The following OCA2 variants were observed in gnomAD, a reference collection of about 807,000 sequenced individuals.
OCA2 encodes P protein.
A neutral mutation model predicts 100.2 loss-of-function variants in OCA2; 77 were observed. That is an observed-to-expected ratio of 0.77 (90% CI 0.64 to 0.93). OCA2 has a LOEUF of 0.93. Ranked by LOEUF, OCA2 falls within the 40% of genes least tolerant of loss-of-function variation. OCA2 has a pLI of 0.00. For synonymous variants in OCA2, 432 were observed against 439.2 expected (o/e 0.98, Z 0.21); for missense variants, 1,062 against 1,089.1 (o/e 0.98, Z 0.35).
chr15:27,803,198 CGAG>C (rs1482060528), intron 23 of OCA2, among the ~76,000 whole-genome samples: 1 of 148,314 alleles, frequency 6.7e-6, no homozygotes, highest in Non-Finnish European at 1.5e-5. Flanking sequence ...TAAACCACGA[CGAG>C]ACAAAATAAT....
chr15:28,069,781 GC>G (rs1366728411), intron 2 of OCA2, among the ~76,000 whole-genome samples: 1 of 138,648 alleles, frequency 7.2e-6, no homozygotes, highest in Non-Finnish European at 1.5e-5. Flanking sequence ...GCCTGCCTTG[GC>G]CTCCCAAAGT....
rs574271500 is a variant in OCA2 at position 27,897,682 on chromosome 15, G to C, written c.2080-25760C>G. 2.7e-3 allele frequency among the ~76,000 whole-genome samples: 409 copies of C among 152,324 alleles called. 2 individuals carry two copies. Among genetic ancestry groups the C allele is most frequent in the African/African-American group, 9.5e-3 (395 of 41,576 alleles). ...GCAGCAGAAAAATGTGGGGTCAGAG[G>C]TGCCACACTGAGGAGTCCCTACTGG... On this transcript the variant is annotated intron_variant, in intron 19 of 23. Transcript: ENST00000354638.
intron 19 of OCA2, among the ~76,000 whole-genome samples, chr15:27,925,354 A>G (rs2140365328): frequency 6.6e-6 from 1 of 152,342 alleles, no homozygotes; most frequent in South Asian, 2.1e-4. Context: ...AATAAAATTA[A>G]AAGGACTGCA....
intron 23 of OCA2, among the ~76,000 whole-genome samples, chr15:27,833,059 G>A (rs1173573770): frequency 6.6e-6 from 1 of 151,870 alleles, no homozygotes; most frequent in Non-Finnish European, 1.5e-5. Context: ...CACATGATCT[G>A]CCCGCCTCAG....
intron 2 of OCA2, among the ~76,000 whole-genome samples, chr15:28,036,079 T>C (rs1049130209): frequency 2.0e-5 from 3 of 152,236 alleles, no homozygotes; most frequent in Non-Finnish European, 4.4e-5. Flanking sequence ...CTCATTAGCA[T>C]TTCACAGGTT....
chr15:27,921,214 A>T lies in OCA2; in HGVS notation c.2079+4913T>A, dbSNP rs114314874. Among the ~76,000 whole-genome samples, 888 of 152,330 alleles carry T rather than the reference A, an allele frequency of 5.8e-3. 16 individuals are homozygous for T. The highest frequency in any genetic ancestry group is 0.02 in the African/African-American group (852 of 41,576). On this transcript the variant is annotated intron_variant, in intron 19 of 23. Transcript: ENST00000354638. ...TAAAGCCTCAAAAGCAGTAACAGAA[A>T]AATGACTCAATGCGCATATAGGGGA...
chr15:27,856,825 T>G (rs1380628000), intron 21 of OCA2, among the ~76,000 whole-genome samples: 1 of 152,060 alleles, frequency 6.6e-6, no homozygotes, highest in Non-Finnish European at 1.5e-5. Flanking sequence ...GACCATACAC[T>G]TTTCAAAAAA....
intron 21 of OCA2, among the ~76,000 whole-genome samples, chr15:27,862,159 C>T (rs945467164): frequency 1.3e-4 from 19 of 149,822 alleles, no homozygotes; most frequent in African/African-American, 3.7e-4. Flanking sequence ...ACAGAAAGCG[C>T]GGTCGTCAGC....
intron 2 of OCA2, among the ~76,000 whole-genome samples, chr15:28,079,952 G>A (rs1314400168): frequency 6.6e-6 from 1 of 152,222 alleles, no homozygotes; most frequent in South Asian, 2.1e-4. Flanking sequence ...ACAGGCCCCA[G>A]TCTGCCCCTG....
At chr15:27,838,645 A>G (rs2151349284) in intron 23 of OCA2, among the ~76,000 whole-genome samples, 1 of 152,348 alleles carries the variant, frequency 6.6e-6, no homozygotes, top group Middle Eastern at 3.4e-3. Context: ...CCAAGCCTGT[A>G]GCAAAATGAT....
intron 9 of OCA2, among the ~76,000 whole-genome samples, chr15:28,008,082 C>T (rs1294944714): frequency 6.6e-6 from 1 of 152,188 alleles, no homozygotes; most frequent in Non-Finnish European, 1.5e-5. Context: ...CAGGCAGTGT[C>T]CAAGGCACTG....
At position 27,968,349 on chromosome 15, in the gene OCA2, T is replaced by A. The variant is rs568402747; in HGVS notation, c.1504-1527A>T. On this transcript the variant is annotated intron_variant, in intron 14 of 23. Coordinates refer to ENST00000354638, the MANE Select transcript of OCA2 (RefSeq NM_000275.3). ...AGTGACAATGCACGACCATGGGGAA[T>A]GACAGGGGCAGGGTGGGAGGGACCA... 1.6e-4 allele frequency among the ~76,000 whole-genome samples: 23 copies of A among 148,096 alleles called. 1 individual carries two copies. In the South Asian group the frequency reaches 4.9e-3, roughly 31 times the overall value.
downstream of OCA2, among the ~76,000 whole-genome samples, chr15:27,751,596 G>A (rs1241301956): frequency 1.3e-5 from 2 of 152,202 alleles, no homozygotes; most frequent in African/African-American, 4.8e-5. Context: ...CAAGGTTTGA[G>A]GGGGACCAGA....
At chr15:27,752,709 G>A (rs1360908667), downstream of OCA2, among the ~76,000 whole-genome samples, 1 of 141,576 alleles carries the variant, frequency 7.1e-6, no homozygotes, top group Non-Finnish European at 1.5e-5. Flanking sequence ...GCTACCAAGT[G>A]TCTCATGCTG....
intron 14 of OCA2, among the ~76,000 whole-genome samples, chr15:27,981,970 T>C (rs2041177524): frequency 6.6e-6 from 1 of 152,220 alleles, no homozygotes; most frequent in Admixed American, 6.5e-5. Context: ...CTCACCGCAT[T>C]TGTTTCCCGT....
chr15:27,917,571 C>G (rs750743701), intron 19 of OCA2, among the ~76,000 whole-genome samples: 1 of 152,168 alleles, frequency 6.6e-6, no homozygotes, highest in Non-Finnish European at 1.5e-5. Context: ...CATGAGAAAG[C>G]TTCCAACCCA....
intron 19 of OCA2, among the ~76,000 whole-genome samples, chr15:27,922,385 A>G (rs2038889280): frequency 6.6e-6 from 1 of 152,248 alleles, no homozygotes; most frequent in African/African-American, 2.4e-5. Flanking sequence ...TAGCATCTTA[A>G]GTAGATCCTC....
At chr15:27,765,639 T>C (rs957906040) in intron 23 of OCA2, among the ~76,000 whole-genome samples, 3 of 152,374 alleles carry the variant, frequency 2.0e-5, no homozygotes, top group African/African-American at 7.2e-5. Flanking sequence ...GGCTGTAATC[T>C]TGAGTTGGTC....
At chr15:27,922,547 G>A (rs1319006343) in intron 19 of OCA2, among the ~76,000 whole-genome samples, 1 of 152,296 alleles carries the variant, frequency 6.6e-6, no homozygotes, top group African/African-American at 2.4e-5. Context: ...TACTGTCTGT[G>A]TTTGTGTAAG....
Sources: allele counts gnomAD v4.1 joint callset (sites outside exome capture counted in the v4.1 genomes callset), GRCh38; gene constraint gnomAD v4.1.1; transcripts MANE v1.5; gene names NCBI Gene and HGNC (gene_info 2026-07-23, HGNC 2026-07-21).